PRTFDC1: variants seen among roughly 807,000 people sequenced by gnomAD.
The protein encoded by PRTFDC1 is phosphoribosyl transferase domain containing 1, also known as phosphoribosyltransferase domain-containing protein 1.
In PRTFDC1, 38 loss-of-function variants were observed where a neutral mutation model predicts 34.6. That is an observed-to-expected ratio of 1.10 (90% CI 0.85 to 1.44). PRTFDC1 has a LOEUF of 1.44. Among genes scored for constraint, PRTFDC1 ranks in the 40% most tolerant of loss-of-function variants. PRTFDC1 has a pLI of 0.00. For synonymous variants in PRTFDC1, 93 were observed against 98.1 expected, an observed-to-expected ratio of 0.95 and a Z score of 0.31; for missense variants, 270 against 283.0, an observed-to-expected ratio of 0.95 and a Z score of 0.33.
chr10:24,926,907 T>C (rs1454592681), intron 3 of PRTFDC1, among the ~76,000 whole-genome samples: 2 of 152,202 alleles, frequency 1.3e-5, no homozygotes, highest in Admixed American at 1.3e-4. Flanking sequence ...CAGTGTTTGC[T>C]TTTCACAAGG....
At chr10:24,883,672 G>A (rs1384781487) in intron 3 of PRTFDC1, among the ~76,000 whole-genome samples, 3 of 152,012 alleles carry the variant, frequency 2.0e-5, no homozygotes, top group Non-Finnish European at 4.4e-5. Flanking sequence ...TTTAAATTAT[G>A]TTTTTAAATC....
intron 3 of PRTFDC1, among the ~76,000 whole-genome samples, chr10:24,911,925 C>T (rs1848632529): frequency 6.6e-6 from 1 of 151,614 alleles, no homozygotes; most frequent in Non-Finnish European, 1.5e-5. Flanking sequence ...TGGATAAATA[C>T]ATAGGAGAGT....
chr10:24,917,872 G>C (rs904348114), intron 3 of PRTFDC1, among the ~76,000 whole-genome samples: 1 of 152,146 alleles, frequency 6.6e-6, no homozygotes, highest in African/African-American at 2.4e-5. Flanking sequence ...TCACATGCCC[G>C]GCTGCTAAGG....
At chr10:24,906,031 C>T (rs968022426) in intron 3 of PRTFDC1, among the ~76,000 whole-genome samples, 3 of 152,134 alleles carry the variant, frequency 2.0e-5, no homozygotes, top group African/African-American at 7.2e-5. Flanking sequence ...GCTTGTTTCA[C>T]TTCACAGAGT....
At chr10:24,884,618 T>C (rs1309356099) in intron 3 of PRTFDC1, among the ~76,000 whole-genome samples, 2 of 152,230 alleles carry the variant, frequency 1.3e-5, no homozygotes, top group African/African-American at 4.8e-5. Context: ...ATGAAGAAGA[T>C]TTTCTTTAGA....
chr10:24,872,423 G>A (rs1474136068), intron 3 of PRTFDC1, among the ~76,000 whole-genome samples: 1 of 152,076 alleles, frequency 6.6e-6, no homozygotes, highest in African/African-American at 2.4e-5. Flanking sequence ...AGCTGGGGGT[G>A]GACTGAGTAT....
At chr10:24,952,590 ACGCGGGAAGGGAAGACGG>A in exon 1 of PRTFDC1, 4 of 1,491,632 alleles carry the variant, frequency 2.7e-6, no homozygotes, top group African/African-American at 2.9e-5. This position sits in a 1 kb window ranked among gnomAD's most constrained non-coding sequence, Gnocchi z 5.1. Context: ...CTCCCGGGGA[ACGCGGGAAGGGAAGACGG>A]CGCGGGAAGG....
Position 24,894,734 on chromosome 10 carries a change from T to C in PRTFDC1, c.340-22671A>G, listed in dbSNP as rs1026477812. 2.0e-5 allele frequency among the ~76,000 whole-genome samples: 3 copies of C among 152,218 alleles called. No individual in the cohort carries two copies. The South Asian group carries it at 6.2e-4, about 32-fold the overall frequency. Reference sequence around the variant, plus strand: ...AAAAGTTTGAAAACCACCCTCCTCCTGGGAGACAGCATAGGATAGTGGTTA... The same window carrying C: ...AAAAGTTTGAAAACCACCCTCCTCCCGGGAGACAGCATAGGATAGTGGTTA... On this transcript the variant is annotated intron_variant, in intron 3 of 8. Coordinates refer to ENST00000320152, the MANE Select transcript of PRTFDC1 (RefSeq NM_020200.7).
chr10:24,926,076 G>A (rs1020463435), intron 3 of PRTFDC1, among the ~76,000 whole-genome samples: 3 of 152,138 alleles, frequency 2.0e-5, no homozygotes, highest in Non-Finnish European at 4.4e-5. Context: ...CCTAGGGACT[G>A]GAGTCCTTTT....
At chr10:24,884,188 A>G (rs1588590618) in intron 3 of PRTFDC1, among the ~76,000 whole-genome samples, 2 of 151,928 alleles carry the variant, frequency 1.3e-5, no homozygotes, top group South Asian at 4.2e-4. Flanking sequence ...ATTTAGAATT[A>G]TCACTTAAAT....
intron 4 of PRTFDC1, among the ~76,000 whole-genome samples, chr10:24,868,972 G>A (rs534126079): frequency 9.2e-5 from 14 of 152,288 alleles, no homozygotes; most frequent in African/African-American, 2.6e-4. Context: ...CATGGAATGC[G>A]TAATGAGCAG....
At chr10:24,859,373 C>T (rs894424741) in intron 4 of PRTFDC1, among the ~76,000 whole-genome samples, 4 of 152,222 alleles carry the variant, frequency 2.6e-5, no homozygotes, top group South Asian at 2.1e-4. Context: ...GATTCTCCCA[C>T]CTCACCTTCC....
At chr10:24,881,057 TTTCC>T (rs1192213867) in intron 3 of PRTFDC1, among the ~76,000 whole-genome samples, 1 of 145,436 alleles carries the variant, frequency 6.9e-6, no homozygotes, top group East Asian at 2.1e-4. Context: ...CTTTCTTTTC[TTTCC>T]TTCCTTCCTT....
intron 3 of PRTFDC1, among the ~76,000 whole-genome samples, chr10:24,914,904 G>T (rs1393380243): frequency 6.6e-6 from 1 of 152,122 alleles, no homozygotes; most frequent in Non-Finnish European, 1.5e-5. Flanking sequence ...TACAGTTCTA[G>T]GGGCCTTCCA....
chr10:24,862,033 A>G (rs561301809), intron 4 of PRTFDC1, among the ~76,000 whole-genome samples: 1 of 152,240 alleles, frequency 6.6e-6, no homozygotes, highest in South Asian at 2.1e-4. Flanking sequence ...ATATATAAAT[A>G]TAAAACATTA....
At chr10:24,908,039 T>C (rs1421798359) in intron 3 of PRTFDC1, among the ~76,000 whole-genome samples, 2 of 152,180 alleles carry the variant, frequency 1.3e-5, no homozygotes, top group Non-Finnish European at 2.9e-5. Context: ...CATTAAAATG[T>C]GGGAAAATTT....
chr10:24,875,103 C>T (rs1462428804), intron 3 of PRTFDC1, among the ~76,000 whole-genome samples: 1 of 152,062 alleles, frequency 6.6e-6, no homozygotes, highest in East Asian at 1.9e-4. Flanking sequence ...TATAAATTAC[C>T]CAGTCTCAGG....
At chr10:24,922,845 G>A (rs563670704) in intron 3 of PRTFDC1, among the ~76,000 whole-genome samples, 6 of 152,340 alleles carry the variant, frequency 3.9e-5, no homozygotes, top group East Asian at 1.9e-4. Flanking sequence ...GTGGGGCATT[G>A]CCTCACCTGG....
chr10:24,922,499 T>G (rs185192396), intron 3 of PRTFDC1, among the ~76,000 whole-genome samples: 1 of 152,226 alleles, frequency 6.6e-6, no homozygotes, highest in African/African-American at 2.4e-5. Flanking sequence ...GTTCTCATGA[T>G]AGTGAATAAG....
Sources: gnomAD v4.1 joint callset for allele counts (sites outside exome capture counted in the v4.1 genomes callset) on GRCh38, gnomAD v4.1.1 for gene constraint, Gnocchi (gnomAD v3.1) non-coding constraint, MANE v1.5 for transcripts, NCBI Gene and HGNC (gene_info 2026-07-23, HGNC 2026-07-21) for gene names.